The following NLGN1 variants were observed in gnomAD, a reference collection of about 807,000 sequenced individuals.
The protein encoded by NLGN1 is neuroligin 1, also known as neuroligin-1.
A neutral mutation model predicts 65.5 loss-of-function variants in NLGN1; 12 were observed. That is an observed-to-expected ratio of 0.18 (90% CI 0.12 to 0.30). NLGN1 has a LOEUF of 0.30. Ranked by LOEUF, NLGN1 falls within the 10% of genes least tolerant of loss-of-function variation. The probability of loss-of-function intolerance (pLI) is 1.00; values close to 1 mark genes in which losing one functional copy is unlikely to be tolerated. For missense variants in NLGN1, 750 were observed against 1,007.1 expected (o/e 0.74, Z 3.46); for synonymous variants, 350 against 359.5 (o/e 0.97, Z 0.30).
At chr3:173,744,487 A>G (rs1018146593) in intron 3 of NLGN1, among the ~76,000 whole-genome samples, 4 of 152,138 alleles carry the variant, frequency 2.6e-5, no homozygotes, top group African/African-American at 9.6e-5. Context: ...TGCTGCAGAA[A>G]GGAGGGACAG....
intron 4 of NLGN1, among the ~76,000 whole-genome samples, chr3:173,990,271 T>C (rs932294872): frequency 5.3e-5 from 8 of 152,140 alleles, no homozygotes; most frequent in African/African-American, 1.4e-4. Flanking sequence ...CTCACCATTT[T>C]CCCCATGTAC....
intron 4 of NLGN1, among the ~76,000 whole-genome samples, chr3:174,085,732 A>G (rs116097354): frequency 1.0e-3 from 152 of 152,212 alleles, no homozygotes; most frequent in Middle Eastern, 6.8e-3. Flanking sequence ...CTAATTTTTA[A>G]TCTGTCACTA....
At chr3:174,075,566 A>T (rs1259442697) in intron 4 of NLGN1, among the ~76,000 whole-genome samples, 1 of 152,168 alleles carries the variant, frequency 6.6e-6, no homozygotes, top group Non-Finnish European at 1.5e-5. Flanking sequence ...ACACATTCTT[A>T]TTGAGAGGAG....
intron 3 of NLGN1, among the ~76,000 whole-genome samples, chr3:173,676,001 T>A (rs1763120254): frequency 6.6e-6 from 1 of 152,004 alleles, no homozygotes; most frequent in African/African-American, 2.4e-5. Flanking sequence ...TATGATATTT[T>A]ACTATAGCTT....
At chr3:173,941,637 TG>T (rs1190856065) in intron 4 of NLGN1, among the ~76,000 whole-genome samples, 2 of 151,922 alleles carry the variant, frequency 1.3e-5, no homozygotes, top group Non-Finnish European at 2.9e-5. Context: ...TTTAGATAGG[TG>T]GATGGAGACT....
intron 4 of NLGN1, among the ~76,000 whole-genome samples, chr3:173,934,551 A>G (rs116289695): frequency 0.01 from 1,579 of 152,058 alleles, 40 homozygotes; most frequent in African/African-American, 0.032. Flanking sequence ...TTGAGTAAAT[A>G]TACACTTATC....
intron 3 of NLGN1, among the ~76,000 whole-genome samples, chr3:173,710,350 C>T (rs1251111760): frequency 4.6e-5 from 7 of 152,034 alleles, no homozygotes; most frequent in Non-Finnish European, 8.8e-5. Flanking sequence ...TTTCCACTCA[C>T]ATTTAAAAAA....
intron 4 of NLGN1, among the ~76,000 whole-genome samples, chr3:173,973,685 T>C (rs1716794823): frequency 6.6e-6 from 1 of 152,064 alleles, no homozygotes; most frequent in Non-Finnish European, 1.5e-5. Flanking sequence ...GAAAGAAATG[T>C]CTAATTAAAT....
intron 2 of NLGN1, among the ~76,000 whole-genome samples, chr3:173,495,693 A>ACC (rs1560337227): frequency 6.7e-6 from 1 of 149,956 alleles, no homozygotes; most frequent in Non-Finnish European, 1.5e-5. Context: ...AAAAAAAAAA[A>ACC]AAAACTCTAT....
chr3:173,750,288 G>A (rs185722313), intron 3 of NLGN1, among the ~76,000 whole-genome samples: 11 of 152,036 alleles, frequency 7.2e-5, no homozygotes, highest in African/African-American at 9.6e-5. Context: ...ATTTTACTTC[G>A]TGTTAGTGAT....
At chr3:173,950,526 T>C (rs1747988900) in intron 4 of NLGN1, among the ~76,000 whole-genome samples, 1 of 152,126 alleles carries the variant, frequency 6.6e-6, no homozygotes, top group Admixed American at 6.5e-5. Context: ...AAAAAGGTCC[T>C]AAACAACTGG....
chr3:174,199,901 C>T (rs1443912048), intron 4 of NLGN1, among the ~76,000 whole-genome samples: 1 of 152,168 alleles, frequency 6.6e-6, no homozygotes, highest in Non-Finnish European at 1.5e-5. Context: ...AAATAAATAC[C>T]ATAGGAGCTT....
chr3:173,759,405 A>G (rs917135249), intron 3 of NLGN1, among the ~76,000 whole-genome samples: 3 of 151,964 alleles, frequency 2.0e-5, no homozygotes, highest in Non-Finnish European at 4.4e-5. Flanking sequence ...CACCACCAAC[A>G]TGGTTCATCA....
chr3:173,491,695 T>C (rs1729189676), intron 2 of NLGN1, among the ~76,000 whole-genome samples: 1 of 151,760 alleles, frequency 6.6e-6, no homozygotes, highest in African/African-American at 2.4e-5. Flanking sequence ...TAGGCTTCAA[T>C]TATCCGCCAT....
intron 4 of NLGN1, among the ~76,000 whole-genome samples, chr3:174,200,448 C>T (rs1048671707): frequency 2.6e-5 from 4 of 152,130 alleles, no homozygotes; most frequent in South Asian, 2.1e-4. Context: ...CAAATGTAAA[C>T]TAAGTTCTTA....
At chr3:173,537,453 CAAG>C (rs1312680230) in intron 2 of NLGN1, among the ~76,000 whole-genome samples, 1 of 150,692 alleles carries the variant, frequency 6.6e-6, no homozygotes, top group Non-Finnish European at 1.5e-5. Context: ...CGTTACATGA[CAAG>C]AAGGGAAGAA....
At chr3:173,812,539 G>A (rs1718160967) in intron 4 of NLGN1, among the ~76,000 whole-genome samples, 2 of 151,814 alleles carry the variant, frequency 1.3e-5, no homozygotes, top group Non-Finnish European at 2.9e-5. Flanking sequence ...ACAAGTCTGG[G>A]CAAAATGGTG....
intron 4 of NLGN1, among the ~76,000 whole-genome samples, chr3:174,190,900 G>A (rs1732270890): frequency 6.6e-6 from 1 of 152,082 alleles, no homozygotes; most frequent in Admixed American, 6.6e-5. Context: ...CAAGAAATCT[G>A]TCTTTCCAAA....
intron 4 of NLGN1, among the ~76,000 whole-genome samples, chr3:174,026,131 T>C (rs1186498319): frequency 6.6e-6 from 1 of 152,120 alleles, no homozygotes; most frequent in Non-Finnish European, 1.5e-5. Context: ...TATTTTTTAT[T>C]TTTATTTATA....
Sources: allele counts gnomAD v4.1 joint callset (sites outside exome capture counted in the v4.1 genomes callset), GRCh38; gene constraint gnomAD v4.1.1; transcripts MANE v1.5; gene names NCBI Gene and HGNC (gene_info 2026-07-23, HGNC 2026-07-21).